Variants in SNAP91 observed in about 807,000 individuals in gnomAD.
The protein encoded by SNAP91 is synaptosome associated protein 91.
SNAP91 carries 27 observed loss-of-function variants against 100.3 expected under a neutral mutation model. The ratio of observed to expected loss-of-function variants is 0.27; its 90% confidence interval spans 0.20 to 0.37. The LOEUF (loss-of-function observed/expected upper bound fraction) is 0.37. Among genes scored for constraint, SNAP91 ranks in the 10% least tolerant of loss-of-function variants. The probability of loss-of-function intolerance (pLI) is 1.00; values close to 1 mark genes in which losing one functional copy is unlikely to be tolerated. For missense variants in SNAP91, 986 were observed against 1,123.7 expected, an observed-to-expected ratio of 0.88 and a Z score of 1.75; for synonymous variants, 404 against 398.6, an observed-to-expected ratio of 1.01 and a Z score of -0.16.
intron 2 of SNAP91, among the ~76,000 whole-genome samples, chr6:83,701,315 G>A (rs1176870001): frequency 6.6e-6 from 1 of 152,050 alleles, no homozygotes; most frequent in Non-Finnish European, 1.5e-5. Flanking sequence ...AAGGACAGTT[G>A]TAATTTAAAA....
intron 10 of SNAP91, among the ~76,000 whole-genome samples, chr6:83,615,285 G>C (rs533345663): frequency 6.6e-6 from 1 of 152,160 alleles, no homozygotes; most frequent in Non-Finnish European, 1.5e-5. Flanking sequence ...TATGGGGTTT[G>C]GGGGACCCTG....
chr6:83,634,443 T>C (rs1562442487), intron 8 of SNAP91, among the ~76,000 whole-genome samples: 1 of 152,204 alleles, frequency 6.6e-6, no homozygotes, highest in Non-Finnish European at 1.5e-5. Context: ...TTGGGGTGTC[T>C]TCTGGGTCTG....
intron 6 of SNAP91, 30 bp downstream of exon 6, chr6:83,658,969 G>A: frequency 3.4e-6 from 5 of 1,486,664 alleles, no homozygotes; most frequent in Non-Finnish European, 4.6e-6. Context: ...CATTGATTGT[G>A]TATGAAACAT....
intron 26 of SNAP91, among the ~76,000 whole-genome samples, chr6:83,574,663 A>C (rs1815050929): frequency 6.6e-6 from 1 of 152,166 alleles, no homozygotes; most frequent in Non-Finnish European, 1.5e-5. Context: ...CAAATATGGA[A>C]GTATAAATAT....
chr6:83,557,038 A>G (rs1230280841), intron 28 of SNAP91, among the ~76,000 whole-genome samples: 1 of 152,212 alleles, frequency 6.6e-6, no homozygotes, highest in Non-Finnish European at 1.5e-5. Context: ...ACTTGTTGCA[A>G]AAGTAACAAA....
chr6:83,656,738 CG>C lies in SNAP91; in HGVS notation c.658+15del. ...GTATCCCATCAGCCCAGACATGTTTCGGTTGTTCCACCTACCGAGTAAGTTA... is the reference window on the plus strand; with the variant it reads ...GTATCCCATCAGCCCAGACATGTTTCGTTGTTCCACCTACCGAGTAAGTTA... On this transcript the variant is annotated intron_variant, in intron 7 of 29. Transcript: ENST00000369694. 8.2e-7 allele frequency: 1 copy of C among 1,221,550 alleles called. No homozygotes were observed. The highest frequency in any genetic ancestry group is 1.2e-6 in the Non-Finnish European group (1 of 839,032). The allele number at this position is 1,221,550 out of a possible 1,614,324, so 75.7% of individuals were successfully genotyped here.
intron 2 of SNAP91, 104 bp downstream of exon 2, chr6:83,707,694 G>GT: frequency 2.1e-6 from 3 of 1,441,842 alleles, no homozygotes; most frequent in Non-Finnish European, 2.8e-6. Context: ...CTGGCTGGGA[G>GT]TATCAGAGGC....
rs77808123 is a variant in SNAP91 at position 83,556,156 on chromosome 6, C to T, written c.2721G>A (p.Leu907=). The part of the protein sequence containing the change: ...PLADLNIKDF[L] ...AATATTAGATACCTTAAATTGTTTA[C>T]AAGAAATCCTTGATGTTAAGATCCG... is the stretch of plus-strand genomic sequence containing the variant. Residue 907 remains leucine, a synonymous_variant, in exon 29 of 30, where the codon TTG becomes TTA. Coordinates refer to ENST00000369694, the MANE Select transcript of SNAP91 (RefSeq NM_001242792.2). 2.9e-4 allele frequency: 457 copies of T among 1,551,306 alleles called. No homozygotes were observed. The African/African-American group carries it at 5.4e-3, about 18-fold the overall frequency.
At chr6:83,613,242 C>T (rs1468739233) in intron 11 of SNAP91, among the ~76,000 whole-genome samples, 2 of 152,132 alleles carry the variant, frequency 1.3e-5, no homozygotes, top group Non-Finnish European at 2.9e-5. Context: ...TCTCTATCTT[C>T]TTCACTAGAT....
rs561409960 is a variant in SNAP91 at position 83,626,342 on chromosome 6, C to T, written c.766-3000G>A. 7.9e-5 allele frequency among the ~76,000 whole-genome samples: 12 copies of T among 151,958 alleles called. No homozygotes were observed. The South Asian group carries it at 1.0e-3, about 13-fold the overall frequency. ...GCTTAAGATTGCTTTGGCTATTCCA[C>T]CTCTTTTTTGGCTTCATATAAATTT... is the stretch of plus-strand genomic sequence containing the variant. On this transcript the variant is annotated intron_variant, in intron 8 of 29. Coordinates refer to ENST00000369694, the MANE Select transcript of SNAP91 (RefSeq NM_001242792.2).
intron 16 of SNAP91, among the ~76,000 whole-genome samples, chr6:83,600,793 C>T (rs1228228453): frequency 6.6e-6 from 1 of 152,214 alleles, no homozygotes; most frequent in African/African-American, 2.4e-5. Flanking sequence ...TAACTCTCTT[C>T]AAAGGCTTCC....
chr6:83,690,509 T>C (rs971024265), intron 2 of SNAP91: 15 of 848,898 alleles, frequency 1.8e-5, no homozygotes, highest in East Asian at 1.3e-4. Flanking sequence ...AACAGATACA[T>C]TGAACAAGCG....
intron 7 of SNAP91, among the ~76,000 whole-genome samples, chr6:83,645,016 C>G (rs2097859193): frequency 6.6e-6 from 1 of 152,114 alleles, no homozygotes; most frequent in Non-Finnish European, 1.5e-5. Context: ...CCCCAAACCA[C>G]CAGGAACAGC....
At chr6:83,595,720 A>G (rs2094399018) in intron 16 of SNAP91, among the ~76,000 whole-genome samples, 1 of 152,154 alleles carries the variant, frequency 6.6e-6, no homozygotes. Context: ...TCATGAAAAT[A>G]ACATGTCATA....
intron 2 of SNAP91, chr6:83,686,277 GT>G: frequency 1.3e-6 from 1 of 747,906 alleles, no homozygotes; most frequent in Non-Finnish European, 1.6e-6. Flanking sequence ...TGGTTACTCA[GT>G]TAAGCACTAT....
At chr6:83,592,725 C>A (rs2093942047) in intron 20 of SNAP91, among the ~76,000 whole-genome samples, 187 bp from the exon 21 acceptor site, 1 of 152,168 alleles carries the variant, frequency 6.6e-6, no homozygotes, top group Non-Finnish European at 1.5e-5. Flanking sequence ...ATAAAATTGA[C>A]TCCTTGAGGT....
At chr6:83,662,217 T>C (rs1248035328) in intron 4 of SNAP91, 130 bp downstream of exon 4, 3 of 338,626 alleles carry the variant, frequency 8.9e-6, no homozygotes, top group Non-Finnish European at 1.6e-5. Context: ...TTTAAAGCTA[T>C]ATTTAAATAT....
intron 28 of SNAP91, among the ~76,000 whole-genome samples, chr6:83,558,149 ATATT>A (rs1288666198): frequency 2.0e-5 from 3 of 152,118 alleles, no homozygotes; most frequent in Non-Finnish European, 2.9e-5. Context: ...TAATAAAATT[ATATT>A]TATTTATTTC....
At chr6:83,620,054 A>C (rs1009378042) in intron 9 of SNAP91, among the ~76,000 whole-genome samples, 6 of 152,228 alleles carry the variant, frequency 3.9e-5, no homozygotes, top group Non-Finnish European at 8.8e-5. Flanking sequence ...TGAATAATTT[A>C]AATGTAATAA....
Sources: allele counts gnomAD v4.1 joint callset (sites outside exome capture counted in the v4.1 genomes callset), GRCh38; gene constraint gnomAD v4.1.1; transcripts MANE v1.5; gene names NCBI Gene and HGNC (gene_info 2026-07-23, HGNC 2026-07-21).